The following PHTF1 variants were observed in gnomAD, a reference collection of about 807,000 sequenced individuals.
PHTF1 encodes putative homeodomain transcription factor 1, also known as protein PHTF1.
PHTF1 carries 88 observed loss-of-function variants against 102.4 expected under a neutral mutation model. That is an observed-to-expected ratio of 0.86 (90% CI 0.72 to 1.03). The LOEUF (loss-of-function observed/expected upper bound fraction) is 1.03, where lower values mean the gene tolerates loss of function less well. Among genes scored for constraint, PHTF1 ranks in the 50% least tolerant of loss-of-function variants. The pLI, the probability that PHTF1 is intolerant of heterozygous loss-of-function variation, is 0.00. For missense variants in PHTF1, 814 were observed against 909.5 expected (o/e 0.89, Z 1.35); for synonymous variants, 289 against 305.2 (o/e 0.95, Z 0.55).
intron 3 of PHTF1, among the ~76,000 whole-genome samples, chr1:113,748,924 A>G (rs1009866577): frequency 2.6e-5 from 4 of 152,216 alleles, no homozygotes; most frequent in Middle Eastern, 3.2e-3. Context: ...TTTTAAATTG[A>G]CAGATAATAT....
intron 7 of PHTF1, chr1:113,715,098 C>T (rs1011208340): frequency 2.0e-5 from 3 of 152,260 alleles, no homozygotes; most frequent in African/African-American, 7.2e-5. Context: ...AATGCAGATA[C>T]AGCTGCAGTG....
chr1:113,759,094 CG>C lies in PHTF1; in HGVS notation c.-103del, dbSNP rs2101764033. On this transcript the variant is annotated 5_prime_UTR_variant, in exon 1 of 19. An upstream open reading frame in the 5' UTR gains an earlier in-frame stop. Transcript: ENST00000369604. ...AGTGCCCGGGGTCCCACCGTGAGGC[CG>C]GGGGCGAGGCGGCGGGCCAGGCAGG... 5 of 991,502 alleles carry C rather than the reference CG, an allele frequency of 5.0e-6. No individual in the cohort carries two copies. The highest frequency in any genetic ancestry group is 1.1e-4 in the East Asian group (1 of 9,134). 61.4% of individuals were successfully genotyped at this position (991,502 alleles called of 1,614,324 possible).
In PHTF1 at chr1:113,721,675, T is replaced by C. The variant is rs561909666; in HGVS notation, c.623+3084A>G. ...TTCATTAAAGTTGCAGGATACAAAA[T>C]TGACATAAAAATCAATAGCATTTCT... On this transcript the variant is annotated intron_variant, in intron 7 of 18. Transcript: ENST00000369604. Among the ~76,000 whole-genome samples the C allele has an allele frequency of 9.8e-5, 15 of 152,294 alleles. No individual in the cohort carries two copies. The East Asian group carries it at 2.7e-3, about 27-fold the overall frequency.
intron 3 of PHTF1, among the ~76,000 whole-genome samples, chr1:113,744,399 A>C (rs1557964941): frequency 6.6e-6 from 1 of 152,306 alleles, no homozygotes; most frequent in South Asian, 2.1e-4. Context: ...AGGGTGCTGA[A>C]ATTTTCTATT....
intron 7 of PHTF1, among the ~76,000 whole-genome samples, chr1:113,720,393 A>T (rs2101339135): frequency 6.6e-6 from 1 of 152,086 alleles, no homozygotes; most frequent in African/African-American, 2.4e-5. Flanking sequence ...ATCCAAATAG[A>T]AAAACCAACA....
chr1:113,758,255 A>T (rs1326078506), intron 2 of PHTF1, among the ~76,000 whole-genome samples: 1 of 149,424 alleles, frequency 6.7e-6, no homozygotes, highest in African/African-American at 2.5e-5. Flanking sequence ...AAAAAAAAAA[A>T]TCCACTTCTT....
chr1:113,704,060 AAGC>A lies in PHTF1; in HGVS notation c.1890+18_1890+20del, dbSNP rs758724900. ...ATAATAGAATTTTCATTTTTCCTTA[AAGC>A]AGATGTGAAACTTTTACCTGAGCAC... On this transcript the variant is annotated intron_variant, in intron 15 of 18. Transcript: ENST00000369604. The A allele has an allele frequency of 6.6e-7, 1 of 1,524,312 alleles. No homozygotes were observed. Among genetic ancestry groups the A allele is most frequent in the Non-Finnish European group, 9.1e-7 (1 of 1,099,014 alleles). 94.4% of individuals were successfully genotyped at this position (1,524,312 alleles called of 1,614,324 possible).
chr1:113,758,835 TG>T, intron 1 of PHTF1, 102 bp from the exon 2 acceptor site: 1 of 1,393,002 alleles, frequency 7.2e-7, no homozygotes, highest in Non-Finnish European at 9.4e-7. Flanking sequence ...CTCCATGAGC[TG>T]CTCTTTCTCC....
At chr1:113,757,783 A>C in intron 2 of PHTF1, 28 bp from the exon 3 acceptor site, 1 of 1,439,636 alleles carries the variant, frequency 6.9e-7, no homozygotes, top group Non-Finnish European at 9.8e-7. Context: ...CTATTAGTTA[A>C]ACGATGCAAA....
At chr1:113,749,341 T>C (rs1657677934) in intron 3 of PHTF1, among the ~76,000 whole-genome samples, 1 of 152,230 alleles carries the variant, frequency 6.6e-6, no homozygotes, top group Admixed American at 6.5e-5. Context: ...TTTTGAATAG[T>C]GGACCTCACT....
At chr1:113,705,227 C>A (rs982756015) in intron 13 of PHTF1, among the ~76,000 whole-genome samples, 1 of 152,178 alleles carries the variant, frequency 6.6e-6, no homozygotes, top group Non-Finnish European at 1.5e-5. Flanking sequence ...ATAACTTGAG[C>A]CCTGGAGTTC....
intron 7 of PHTF1, among the ~76,000 whole-genome samples, chr1:113,721,856 AT>A (rs972925900): frequency 4.2e-4 from 61 of 145,470 alleles, no homozygotes; most frequent in Middle Eastern, 7.1e-3. Flanking sequence ...CGCCCGGCTA[AT>A]TTTTTTTTTT....
chr1:113,742,430 C>A (rs1656523714), intron 3 of PHTF1, among the ~76,000 whole-genome samples: 1 of 152,066 alleles, frequency 6.6e-6, no homozygotes, highest in African/African-American at 2.4e-5. Context: ...TTAAGACCAC[C>A]CTGGCCAACA....
chr1:113,704,955 C>T (rs1038832099), intron 13 of PHTF1, among the ~76,000 whole-genome samples, 158 bp from the exon 14 acceptor site: 10 of 152,152 alleles, frequency 6.6e-5, no homozygotes, highest in Admixed American at 1.3e-4. Context: ...ATTAATAGCT[C>T]GTTACCCTGT....
intron 3 of PHTF1, among the ~76,000 whole-genome samples, chr1:113,743,162 A>T (rs1343794466): frequency 6.6e-6 from 1 of 152,168 alleles, no homozygotes; most frequent in Non-Finnish European, 1.5e-5. Context: ...TTTACTTTAT[A>T]AGCTTTATAA....
intron 5 of PHTF1, among the ~76,000 whole-genome samples, chr1:113,732,598 T>C (rs1348580172): frequency 6.6e-6 from 1 of 152,162 alleles, no homozygotes; most frequent in Non-Finnish European, 1.5e-5. Context: ...CAGAAATTAA[T>C]GGTACAGAGT....
intron 7 of PHTF1, among the ~76,000 whole-genome samples, chr1:113,717,192 A>C (rs745611604): frequency 6.6e-6 from 1 of 152,120 alleles, no homozygotes; most frequent in Non-Finnish European, 1.5e-5. Context: ...GCAAGCCTCA[A>C]TGTAACCCCC....
chr1:113,729,689 T>A (rs904942077), intron 5 of PHTF1, among the ~76,000 whole-genome samples: 2 of 152,184 alleles, frequency 1.3e-5, no homozygotes, highest in African/African-American at 4.8e-5. Context: ...TGATAGTTTA[T>A]GCTAACAAGG....
Position 113,754,593 on chromosome 1 carries a change from A to G in PHTF1, c.102+3106T>C, listed in dbSNP as rs999670305. ...GGTTGATTACATTTTCTTTCTCTAG[A>G]TTCTTCAATATTAATATGATTCATT... is the stretch of plus-strand genomic sequence containing the variant. On this transcript the variant is annotated intron_variant, in intron 3 of 18. Transcript: ENST00000369604. 2.0e-5 allele frequency among the ~76,000 whole-genome samples: 3 copies of G among 152,116 alleles called. No homozygotes were observed. In the South Asian group the frequency reaches 6.2e-4, roughly 32 times the overall value.
Sources: allele counts gnomAD v4.1 joint callset (sites outside exome capture counted in the v4.1 genomes callset), GRCh38; gene constraint gnomAD v4.1.1; transcripts MANE v1.5; gene names NCBI Gene and HGNC (gene_info 2026-07-23, HGNC 2026-07-21).